The following EYS variants were observed in gnomAD, a reference collection of about 807,000 sequenced individuals.
The protein encoded by EYS is EGF-like photoreceptor maintenance factor.
EYS carries 250 observed loss-of-function variants against 282.1 expected under a neutral mutation model. The observed-to-expected ratio is 0.89, with a 90% CI of 0.80 to 0.98. EYS has a LOEUF of 0.98. Ranked by LOEUF, EYS falls within the 50% of genes least tolerant of loss-of-function variation. The probability of loss-of-function intolerance (pLI) is 0.00; values close to 1 mark genes in which losing one functional copy is unlikely to be tolerated. For missense variants in EYS, 4,016 were observed against 3,709.0 expected (o/e 1.08, Z -2.15); for synonymous variants, 1,355 against 1,282.9 (o/e 1.06, Z -1.20).
rs181524820 is a variant in EYS, at chr6:64,088,171, C to T, written c.6425-6169G>A. ...ACAGAACTGCCCTGAATATGGAAAA[C>T]AAGACTAATTGGGGTTAGGCAGAGT... On this transcript the variant is annotated intron_variant, in intron 31 of 42. Coordinates refer to ENST00000503581, the MANE Select transcript of EYS (RefSeq NM_001142800.2). Among the ~76,000 whole-genome samples the T allele has an allele frequency of 5.3e-4, 81 of 152,102 alleles. 1 individual carries two copies. The East Asian group carries it at 0.014, about 27-fold the overall frequency.
chr6:65,331,656 G>T, intron 11 of EYS: 1 of 980,438 alleles, frequency 1.0e-6, no homozygotes, highest in African/African-American at 1.8e-5. Flanking sequence ...TCAGAAAAAA[G>T]GAAATAACAT....
chr6:65,485,661 C>T (rs907114494), intron 5 of EYS, among the ~76,000 whole-genome samples: 2 of 152,098 alleles, frequency 1.3e-5, no homozygotes, highest in Admixed American at 6.5e-5. Flanking sequence ...AAAACTTAGC[C>T]GGCTGTGGTG....
chr6:65,130,875 T>G (rs937367967), intron 12 of EYS, among the ~76,000 whole-genome samples: 12 of 150,796 alleles, frequency 8.0e-5, no homozygotes, highest in Admixed American at 7.3e-4. Flanking sequence ...TTAAAAATAG[T>G]TTTAAAATAT....
intron 26 of EYS, among the ~76,000 whole-genome samples, chr6:64,543,330 G>A (rs1297335130): frequency 6.6e-6 from 1 of 152,038 alleles, no homozygotes; most frequent in Non-Finnish European, 1.5e-5. Context: ...GTATTAAAAT[G>A]GAGGTAAATT....
intron 33 of EYS, among the ~76,000 whole-genome samples, chr6:64,053,703 G>C (rs1358121911): frequency 6.6e-6 from 1 of 152,090 alleles, no homozygotes; most frequent in Non-Finnish European, 1.5e-5. Context: ...CTTAATTAGT[G>C]ATAGCTATTT....
At chr6:65,294,554 T>A (rs1290042881) in intron 12 of EYS, among the ~76,000 whole-genome samples, 1 of 151,886 alleles carries the variant, frequency 6.6e-6, no homozygotes. Flanking sequence ...AATATATATT[T>A]AATGATCATA....
chr6:65,670,516 T>A (rs556055200), intron 1 of EYS, among the ~76,000 whole-genome samples: 1 of 152,224 alleles, frequency 6.6e-6, no homozygotes, highest in African/African-American at 2.4e-5. Flanking sequence ...TACAGATGCC[T>A]ATGATCTTTA....
chr6:64,197,303 A>T (rs1226441492), intron 31 of EYS, among the ~76,000 whole-genome samples: 1 of 151,886 alleles, frequency 6.6e-6, no homozygotes, highest in Non-Finnish European at 1.5e-5. Flanking sequence ...TTTCCAGTTT[A>T]CCCTTATACT....
intron 31 of EYS, among the ~76,000 whole-genome samples, chr6:64,131,652 G>C (rs1183872180): frequency 6.6e-6 from 1 of 152,174 alleles, no homozygotes; most frequent in African/African-American, 2.4e-5. Flanking sequence ...CCTGAGCTGT[G>C]AGACTGAATA....
intron 1 of EYS, among the ~76,000 whole-genome samples, chr6:65,677,795 T>A (rs1357463856): frequency 6.6e-6 from 1 of 151,914 alleles, no homozygotes; most frequent in Admixed American, 6.6e-5. Context: ...CAAAACATAC[T>A]ACAAAGCTAC....
intron 13 of EYS, among the ~76,000 whole-genome samples, chr6:65,047,480 C>G (rs1386226026): frequency 6.6e-6 from 1 of 151,798 alleles, no homozygotes; most frequent in Non-Finnish European, 1.5e-5. Flanking sequence ...ATGTTTTATT[C>G]TAAAAGATTT....
intron 37 of EYS, among the ~76,000 whole-genome samples, chr6:63,790,070 C>T (rs1770467420): frequency 6.6e-6 from 1 of 152,174 alleles, no homozygotes; most frequent in East Asian, 1.9e-4. Flanking sequence ...GGCTAGCAGT[C>T]AGGAAACTGA....
At chr6:64,529,299 A>G (rs1418556042) in intron 26 of EYS, among the ~76,000 whole-genome samples, 3 of 151,956 alleles carry the variant, frequency 2.0e-5, no homozygotes, top group Non-Finnish European at 4.4e-5. Context: ...TTGACTTCCT[A>G]TTAGCAGTCT....
intron 31 of EYS, among the ~76,000 whole-genome samples, chr6:64,184,135 T>C (rs181383201): frequency 3.3e-5 from 5 of 152,260 alleles, no homozygotes; most frequent in South Asian, 2.1e-4. Flanking sequence ...TTGTCTTCCA[T>C]GGCAATTATC....
intron 37 of EYS, among the ~76,000 whole-genome samples, chr6:63,794,545 C>T (rs999907340): frequency 6.6e-6 from 1 of 152,172 alleles, no homozygotes; most frequent in African/African-American, 2.4e-5. Flanking sequence ...CCTGGAATTT[C>T]TTGTAATGGG....
intron 5 of EYS, among the ~76,000 whole-genome samples, chr6:65,483,913 G>A (rs1278409453): frequency 6.6e-6 from 1 of 152,072 alleles, no homozygotes; most frequent in Non-Finnish European, 1.5e-5. Flanking sequence ...CGGCTCTCGT[G>A]AGACTTATTC....
At chr6:64,973,557 C>A (rs900501112) in intron 14 of EYS, among the ~76,000 whole-genome samples, 2 of 151,850 alleles carry the variant, frequency 1.3e-5, no homozygotes, top group Admixed American at 6.6e-5. Flanking sequence ...TATTGTTTAC[C>A]ATTCTATATT....
At chr6:64,075,001 A>C (rs562818266) in intron 32 of EYS, among the ~76,000 whole-genome samples, 2 of 152,036 alleles carry the variant, frequency 1.3e-5, no homozygotes, top group East Asian at 3.9e-4. Context: ...AATCAGGGCT[A>C]CCTGTGGGAG....
At chr6:64,720,840 A>G (rs1771554195) in intron 22 of EYS, among the ~76,000 whole-genome samples, 1 of 152,214 alleles carries the variant, frequency 6.6e-6, no homozygotes, top group South Asian at 2.1e-4. Context: ...TTTATTTTTC[A>G]AAATGATTTA....
Sources: allele counts gnomAD v4.1 joint callset (sites outside exome capture counted in the v4.1 genomes callset), GRCh38; gene constraint gnomAD v4.1.1; transcripts MANE v1.5; gene names NCBI Gene and HGNC (gene_info 2026-07-23, HGNC 2026-07-21).